Variants in PTPDC1 observed in about 807,000 individuals in gnomAD.
PTPDC1 encodes the protein protein tyrosine phosphatase domain-containing protein 1.
A neutral mutation model predicts 75.3 loss-of-function variants in PTPDC1; 53 were observed. That is an observed-to-expected ratio of 0.70 (90% confidence interval 0.56 to 0.88). PTPDC1 has a LOEUF of 0.88. PTPDC1 is among the 40% of genes least tolerant of loss of function. The pLI is 0.00. For missense variants in PTPDC1, 925 were observed against 998.6 expected (o/e 0.93, Z 0.99); for synonymous variants, 349 against 366.2 (o/e 0.95, Z 0.54).
chr9:94,087,751 C>G (rs562987111), intron 2 of PTPDC1, 80 bp from the exon 3 acceptor site: 2 of 906,092 alleles, frequency 2.2e-6, no homozygotes, highest in Non-Finnish European at 3.5e-6. Flanking sequence ...AAAAAATCAT[C>G]TCTCAGGACT....
rs533884345 is a variant in PTPDC1 at position 94,094,899 on chromosome 9, G to A, written c.617-418G>A. On this transcript the variant is annotated intron_variant, in intron 4 of 8. Coordinates refer to ENST00000620992, the MANE Select transcript of PTPDC1 (RefSeq NM_001253829.2). ...GAAAGGGAACCCCCTGACCCCTTGC[G>A]CTTCCCAAGTGAGGCAGTGCCTCGC... 7.0e-3 allele frequency among the ~76,000 whole-genome samples: 1,069 copies of A among 152,322 alleles called. 10 individuals are homozygous for A. Among genetic ancestry groups the A allele is most frequent in the Non-Finnish European group, 0.01 (704 of 68,022 alleles).
At chr9:94,050,270 T>G (rs1825745229) in intron 1 of PTPDC1, among the ~76,000 whole-genome samples, 1 of 152,230 alleles carries the variant, frequency 6.6e-6, no homozygotes, top group African/African-American at 2.4e-5. Flanking sequence ...GCTGTGTTCC[T>G]TTGGAGGAGG....
rs1270489364 is a variant in PTPDC1 at position 94,109,114 on chromosome 9, G to A, written c.*1170G>A. The stretch of plus-strand genomic sequence containing the variant: ...AGCCCTAACTGGCTTCATGTAAGAA[G>A]GGTGACTGCCTAAACTAGTTCCTTG... On this transcript the variant is annotated 3_prime_UTR_variant, in exon 9 of 9. Transcript: ENST00000620992. 1 of 152,200 alleles carries A rather than the reference G, an allele frequency of 6.6e-6. No individual in the cohort carries two copies. The allele number at this position is 152,200 out of a possible 1,614,324, so 9.4% of individuals were successfully genotyped here.
chr9:94,061,441 C>CT (rs1826130929), intron 1 of PTPDC1, among the ~76,000 whole-genome samples: 1 of 152,246 alleles, frequency 6.6e-6, no homozygotes, highest in Non-Finnish European at 1.5e-5. Flanking sequence ...TAGGCAGTGC[C>CT]CCAGTGGGGA....
chr9:94,071,461 A>C (rs1028672329), intron 2 of PTPDC1, among the ~76,000 whole-genome samples: 1 of 151,782 alleles, frequency 6.6e-6, no homozygotes, highest in African/African-American at 2.4e-5. Context: ...CCATTTCTTC[A>C]TATGATCTTT....
At position 94,097,518 on chromosome 9, in the gene PTPDC1, C is replaced by T; in HGVS notation, c.952C>T (p.Pro318Ser). 6.2e-7 allele frequency: 1 copy of T among 1,614,160 alleles called. No individual in the cohort carries two copies. The highest frequency in any genetic ancestry group is 8.5e-7 in the Non-Finnish European group (1 of 1,180,018). The change falls in exon 6 of 9, where the codon CCT (proline) becomes TCT (serine). Residue 318 changes from proline to serine, a missense_variant. By Grantham distance (74) the Pro-to-Ser change is moderately conservative. Coordinates refer to ENST00000620992, the MANE Select transcript of PTPDC1 (RefSeq NM_001253829.2). ...CDPKAHAVTLPQYLIRQRHLL... is the reference protein window; with the variant it reads ...CDPKAHAVTLSQYLIRQRHLL... Reference sequence around the variant, plus strand: ...TCCCAAAGCACATGCTGTCACCTTACCTCAATATCTAATTCGCCAGCGTCA... The same window carrying T: ...TCCCAAAGCACATGCTGTCACCTTATCTCAATATCTAATTCGCCAGCGTCA...
intron 1 of PTPDC1, among the ~76,000 whole-genome samples, chr9:94,058,587 A>G (rs1826026889): frequency 6.6e-6 from 1 of 151,282 alleles, no homozygotes; most frequent in African/African-American, 2.4e-5. Flanking sequence ...TGCACCTGTA[A>G]TCCCAGCTAC....
At chr9:94,072,587 A>C (rs1013061691) in intron 2 of PTPDC1, among the ~76,000 whole-genome samples, 2 of 152,000 alleles carry the variant, frequency 1.3e-5, no homozygotes, top group African/African-American at 4.8e-5. Context: ...GAGTCACAAG[A>C]GCAGAGTCTT....
intron 7 of PTPDC1, among the ~76,000 whole-genome samples, chr9:94,103,021 C>CACAT (rs3081836): frequency 1.1e-5 from 1 of 91,686 alleles, no homozygotes. Flanking sequence ...CACACACACA[C>CACAT]GGACACATGG....
chr9:94,109,844 G>A lies in PTPDC1; in HGVS notation c.*1900G>A, dbSNP rs895764111. ...GTATTTATTTGAATAAAAATAAAAA[G>A]AGCAACCCATAATCCTAGTCCTGTA... On this transcript the variant is annotated 3_prime_UTR_variant, in exon 9 of 9. Transcript: ENST00000620992. 1 of 152,292 alleles carries A rather than the reference G, an allele frequency of 6.6e-6. No individual in the cohort carries two copies. Among genetic ancestry groups the A allele is most frequent in the African/African-American group, 2.4e-5 (1 of 41,558 alleles). 9.4% of individuals were successfully genotyped at this position (152,292 alleles called of 1,614,324 possible). A position where few individuals can be genotyped will look rare whatever the true frequency, so the allele number is the denominator to read the frequency against.
At chr9:94,060,903 C>T (rs1826107073) in intron 1 of PTPDC1, among the ~76,000 whole-genome samples, 1 of 152,146 alleles carries the variant, frequency 6.6e-6, no homozygotes, top group African/African-American at 2.4e-5. Flanking sequence ...CCATACAATT[C>T]CACTTCTGGC....
At chr9:94,085,703 C>T (rs1827049337) in intron 2 of PTPDC1, among the ~76,000 whole-genome samples, 1 of 152,080 alleles carries the variant, frequency 6.6e-6, no homozygotes, top group African/African-American at 2.4e-5. Flanking sequence ...AATTAGATAG[C>T]TCTTAAATTT....
chr9:94,071,628 T>A (rs1448537197), intron 2 of PTPDC1, among the ~76,000 whole-genome samples: 1 of 152,210 alleles, frequency 6.6e-6, no homozygotes, highest in Non-Finnish European at 1.5e-5. Context: ...GATCTATATA[T>A]CTGTCCATCC....
intron 1 of PTPDC1, among the ~76,000 whole-genome samples, chr9:94,061,281 C>T (rs964910130): frequency 3.9e-5 from 6 of 152,194 alleles, no homozygotes; most frequent in African/African-American, 1.2e-4. Flanking sequence ...GGCAGCTCGG[C>T]TCCTGTAGCT....
chr9:94,044,362 G>A (rs919306505), intron 1 of PTPDC1, among the ~76,000 whole-genome samples: 6 of 152,122 alleles, frequency 3.9e-5, no homozygotes, highest in Admixed American at 6.5e-5. Flanking sequence ...TTTTACATAG[G>A]TAAATGTGTA....
chr9:94,107,107 C>T (rs2118114719), intron 8 of PTPDC1, among the ~76,000 whole-genome samples: 1 of 152,182 alleles, frequency 6.6e-6, no homozygotes, highest in East Asian at 1.9e-4. Flanking sequence ...GCATGTGCCA[C>T]CATGCCTGGC....
At chr9:94,046,290 C>A (rs780419864) in intron 1 of PTPDC1, among the ~76,000 whole-genome samples, 6 of 152,248 alleles carry the variant, frequency 3.9e-5, no homozygotes, top group East Asian at 3.9e-4. Flanking sequence ...ATGCCTCCAG[C>A]TTTGTTCTTT....
Position 94,084,628 on chromosome 9 carries a change from G to GGCT in PTPDC1, c.101_103dup (p.Leu34dup). On this transcript the variant is annotated inframe_insertion, in exon 1 of 9. Coordinates refer to ENST00000620992, the MANE Select transcript of PTPDC1 (RefSeq NM_001253829.2). Reference sequence around the variant, plus strand: ...CACTCCACCTCAGACCCAGTACTGCGGCTGCAGCAGGCCCGGCGGGGCTCT... The same window carrying GGCT: ...CACTCCACCTCAGACCCAGTACTGCGGCTGCTGCAGCAGGCCCGGCGGGGCTCT... 6.2e-7 allele frequency: 1 copy of GGCT among 1,613,410 alleles called. No homozygotes were observed. Among genetic ancestry groups the GGCT allele is most frequent in the Non-Finnish European group, 8.5e-7 (1 of 1,179,784 alleles).
rs950392862 is a variant in PTPDC1, at chr9:94,049,747, T to C, written c.-6-14987T>C. On this transcript the variant is annotated intron_variant, in intron 1 of 9. Coordinates refer to the PTPDC1 transcript ENST00000375360. ...GTGGCGTTCTCTGTATTTCCTGAAT[T>C]TGAATGTTGGCCTGCCTTGCTAGAT... Among the ~76,000 whole-genome samples the C allele has an allele frequency of 3.9e-5, 6 of 152,212 alleles. No homozygotes were observed. The East Asian group carries it at 5.8e-4, about 15-fold the overall frequency.
Sources: gnomAD v4.1 joint callset for allele counts (sites outside exome capture counted in the v4.1 genomes callset) on GRCh38, gnomAD v4.1.1 for gene constraint, MANE v1.5 for transcripts, NCBI Gene and HGNC (gene_info 2026-07-23, HGNC 2026-07-21) for gene names.